STXBP5L: variants seen among roughly 807,000 people sequenced by gnomAD.
STXBP5L encodes the protein syntaxin-binding protein 5-like.
A neutral mutation model predicts 144.5 loss-of-function variants in STXBP5L; 65 were observed. The observed-to-expected ratio is 0.45, with a 90% CI of 0.37 to 0.55. The LOEUF (loss-of-function observed/expected upper bound fraction) is 0.55, where lower values mean the gene tolerates loss of function less well. STXBP5L is among the 20% of genes least tolerant of loss of function. The pLI, the probability that STXBP5L is intolerant of heterozygous loss-of-function variation, is 0.00. For missense variants in STXBP5L, 1,298 were observed against 1,405.5 expected (o/e 0.92, Z 1.22); for synonymous variants, 505 against 469.6 (o/e 1.08, Z -0.97).
intron 19 of STXBP5L, among the ~76,000 whole-genome samples, chr3:121,292,832 A>G (rs1291829125): frequency 1.3e-5 from 2 of 152,194 alleles, no homozygotes; most frequent in African/African-American, 4.8e-5. Flanking sequence ...GAGCTAAGTT[A>G]TGAGGCTGCA....
At chr3:121,372,319 C>A (rs2046056625) in intron 20 of STXBP5L, among the ~76,000 whole-genome samples, 1 of 152,116 alleles carries the variant, frequency 6.6e-6, no homozygotes, top group South Asian at 2.1e-4. Context: ...TCACAGTTTC[C>A]CTAGGGTTAA....
intron 11 of STXBP5L, among the ~76,000 whole-genome samples, chr3:121,226,416 A>AG (rs1269368936): frequency 6.6e-6 from 1 of 152,180 alleles, no homozygotes; most frequent in Non-Finnish European, 1.5e-5. Context: ...ACAGACAGTG[A>AG]GGGGGGCCCC....
At chr3:121,288,597 G>A (rs1482634405) in intron 19 of STXBP5L, among the ~76,000 whole-genome samples, 2 of 152,148 alleles carry the variant, frequency 1.3e-5, no homozygotes, top group Non-Finnish European at 2.9e-5. Context: ...GATTGGAGGT[G>A]TTGAGCATTT....
At chr3:121,225,128 C>A (rs760968292) in intron 11 of STXBP5L, among the ~76,000 whole-genome samples, 1 of 151,982 alleles carries the variant, frequency 6.6e-6, no homozygotes, top group African/African-American at 2.4e-5. Context: ...TTGACAGTGC[C>A]GGAAAGGTTT....
chr3:121,099,626 T>G (rs1225013655), intron 5 of STXBP5L: 3 of 152,922 alleles, frequency 2.0e-5, no homozygotes, highest in Non-Finnish European at 4.4e-5. Context: ...ACATCCATAC[T>G]CTGCAGAAGA....
chr3:121,169,979 A>T (rs1318851739), intron 9 of STXBP5L, among the ~76,000 whole-genome samples: 1 of 152,226 alleles, frequency 6.6e-6, no homozygotes. Context: ...AAAAGAACAG[A>T]TATCATAACA....
intron 9 of STXBP5L, among the ~76,000 whole-genome samples, chr3:121,164,309 C>A (rs1357571440): frequency 1.3e-5 from 2 of 152,170 alleles, no homozygotes; most frequent in Non-Finnish European, 2.9e-5. Flanking sequence ...AATCATCTTA[C>A]ACCTATTAGG....
At chr3:121,203,071 GT>G (rs35703773) in intron 9 of STXBP5L, among the ~76,000 whole-genome samples, 16,220 of 143,184 alleles carry the variant, frequency 0.11, 977 homozygotes, top group East Asian at 0.14. Context: ...CTTTTTTTCT[GT>G]TTTTTTTTTC....
intron 3 of STXBP5L, among the ~76,000 whole-genome samples, chr3:120,985,989 C>T (rs1942252007): frequency 6.6e-6 from 1 of 151,498 alleles, no homozygotes; most frequent in Non-Finnish European, 1.5e-5. Context: ...TTTTCTAGTT[C>T]CTTATGTTAT....
chr3:120,972,221 C>T (rs747013134), intron 3 of STXBP5L, among the ~76,000 whole-genome samples: 11 of 151,876 alleles, frequency 7.2e-5, no homozygotes, highest in Non-Finnish European at 1.3e-4. Flanking sequence ...GATGTTTTTC[C>T]ATTATTTGTG....
chr3:121,278,154 A>C (rs1181632948), intron 18 of STXBP5L, among the ~76,000 whole-genome samples: 1 of 151,934 alleles, frequency 6.6e-6, no homozygotes, highest in African/African-American at 2.4e-5. Context: ...CCTGTGCCCA[A>C]GCCTGGGAAC....
At position 120,970,684 on chromosome 3, in the gene STXBP5L, A is replaced by G. The variant is rs368519374; in HGVS notation, c.287+15647A>G. On this transcript the variant is annotated intron_variant, in intron 3 of 26. Coordinates refer to ENST00000471454, the MANE Select transcript of STXBP5L (RefSeq NM_001308330.2). ...TTGATGGGTGGCCCCTGAACTTCCTATACCTGGACGATGTCTTCTTTCTCT... is the reference window on the plus strand; with the variant it reads ...TTGATGGGTGGCCCCTGAACTTCCTGTACCTGGACGATGTCTTCTTTCTCT... Among the ~76,000 whole-genome samples the G allele has an allele frequency of 4.6e-5, 7 of 152,172 alleles. No individual in the cohort carries two copies. In the South Asian group the frequency reaches 6.2e-4, roughly 14 times the overall value.
intron 5 of STXBP5L, 145 bp downstream of exon 5, chr3:121,045,680 CT>C (rs758398190): frequency 1.7e-5 from 13 of 748,106 alleles, no homozygotes; most frequent in Non-Finnish European, 2.7e-5. Context: ...ATAGTGTTTT[CT>C]TTTTTGTAGA....
At chr3:121,369,110 T>C (rs1276595694) in intron 20 of STXBP5L, among the ~76,000 whole-genome samples, 1 of 152,214 alleles carries the variant, frequency 6.6e-6, no homozygotes, top group East Asian at 1.9e-4. Context: ...CAGGAACATG[T>C]GCACAGCTGC....
intron 2 of STXBP5L, among the ~76,000 whole-genome samples, chr3:120,922,161 T>C (rs1429786591): frequency 6.6e-6 from 1 of 151,980 alleles, no homozygotes; most frequent in Non-Finnish European, 1.5e-5. Flanking sequence ...CTTGTAGAGA[T>C]CTTTCACTTC....
At chr3:121,395,431 G>A (rs2046704454) in intron 22 of STXBP5L, among the ~76,000 whole-genome samples, 1 of 152,180 alleles carries the variant, frequency 6.6e-6, no homozygotes, top group Admixed American at 6.5e-5. Context: ...TTACAGATGA[G>A]TATGATACAT....
intron 10 of STXBP5L, among the ~76,000 whole-genome samples, chr3:121,210,761 G>A (rs1454401880): frequency 1.3e-5 from 2 of 152,140 alleles, no homozygotes; most frequent in Non-Finnish European, 2.9e-5. Flanking sequence ...TATTATTTCT[G>A]AGGCCTCTGT....
chr3:121,401,462 C>T (rs1040228377), intron 22 of STXBP5L, among the ~76,000 whole-genome samples: 12 of 146,470 alleles, frequency 8.2e-5, no homozygotes, highest in Admixed American at 7.0e-5. Context: ...TATTGCGGCA[C>T]TATTCACAAT....
intron 9 of STXBP5L, among the ~76,000 whole-genome samples, chr3:121,172,316 A>G (rs1291108499): frequency 6.6e-6 from 1 of 152,226 alleles, no homozygotes; most frequent in Non-Finnish European, 1.5e-5. Flanking sequence ...AATGGCAACA[A>G]AAGGCAAAAT....
Sources: gnomAD v4.1 joint callset for allele counts (sites outside exome capture counted in the v4.1 genomes callset) on GRCh38, gnomAD v4.1.1 for gene constraint, MANE v1.5 for transcripts, NCBI Gene and HGNC (gene_info 2026-07-23, HGNC 2026-07-21) for gene names.